The following GGACT variants were observed in gnomAD, a reference collection of about 807,000 sequenced individuals.
GGACT encodes the protein gamma-glutamylaminecyclotransferase.
For synonymous variants in GGACT, 118 were observed against 115.3 expected, an observed-to-expected ratio of 1.02 and a Z score of -0.15; for missense variants, 241 against 233.2, an observed-to-expected ratio of 1.03 and a Z score of -0.22.
rs577033224 is a variant in GGACT, at chr13:100,548,770, C to T, written c.-10-16169G>A. Among the ~76,000 whole-genome samples, 98 of 152,352 alleles carry T rather than the reference C, an allele frequency of 6.4e-4. 4 individuals are homozygous for T. The South Asian group carries it at 0.019, about 30-fold the overall frequency. On this transcript the variant is annotated intron_variant, in intron 2 of 2. Transcript: ENST00000683975. ...AGGTCAAAGCCACACTCCTGTCAAA[C>T]ATCTGGGAAGAGGCCTTCCTGGCCC... is the stretch of plus-strand genomic sequence containing the variant.
intron 2 of GGACT, among the ~76,000 whole-genome samples, chr13:100,546,361 C>CAAAAAAAAA (rs778470021): frequency 1.8e-5 from 1 of 54,608 alleles, no homozygotes; most frequent in Non-Finnish European, 3.6e-5. Flanking sequence ...GACTCTGTCT[C>CAAAAAAAAA]AAAAAAAAAA....
rs182839793 is a variant in GGACT at position 100,547,152 on chromosome 13, A to G, written c.-10-14551T>C. Reference sequence around the variant, plus strand: ...GCTCTGCCACCTCTTCCTTCCCACAAGACAACCAGGTCTCCAGACCCTCAG... The same window carrying G: ...GCTCTGCCACCTCTTCCTTCCCACAGGACAACCAGGTCTCCAGACCCTCAG... On this transcript the variant is annotated intron_variant, in intron 2 of 2. Transcript: ENST00000683975. Among the ~76,000 whole-genome samples the G allele has an allele frequency of 7.5e-3, 1,137 of 152,232 alleles. 46 individuals are homozygous for G. Among genetic ancestry groups the G allele is most frequent in the Admixed American group, 0.069 (1,053 of 15,286 alleles).
chr13:100,561,712 C>T (rs922001364), intron 2 of GGACT, among the ~76,000 whole-genome samples: 4 of 152,194 alleles, frequency 2.6e-5, no homozygotes, highest in Non-Finnish European at 5.9e-5. Context: ...GCCCGGGATG[C>T]CCTTCACACC....
At chr13:100,560,910 T>C (rs187139156) in intron 2 of GGACT, among the ~76,000 whole-genome samples, 1 of 152,324 alleles carries the variant, frequency 6.6e-6, no homozygotes, top group East Asian at 1.9e-4. Context: ...TCTTTGCAAT[T>C]GTGAACATCT....
At chr13:100,562,361 C>A (rs1165836476) in intron 2 of GGACT, among the ~76,000 whole-genome samples, 1 of 152,148 alleles carries the variant, frequency 6.6e-6, no homozygotes, top group Admixed American at 6.5e-5. Context: ...TTTCTTCAAA[C>A]CTGGCACCAG....
At position 100,588,765 on chromosome 13, in the gene GGACT, G is replaced by C. The variant is rs988667112; in HGVS notation, c.-208C>G. ...CCTGCCGGCAGCCGGGGCTGTCGGG[G>C]AGGGCAGGGCCAGGGCGGAAATGCA... On this transcript the variant is annotated 5_prime_UTR_variant, in exon 1 of 3. Coordinates refer to ENST00000683975, the MANE Select transcript of GGACT (RefSeq NM_001195087.2). 6.6e-6 allele frequency: 1 copy of C among 151,864 alleles called. No homozygotes were observed. Among genetic ancestry groups the C allele is most frequent in the Non-Finnish European group, 1.5e-5 (1 of 67,936 alleles). 9.4% of individuals were successfully genotyped at this position (151,864 alleles called of 1,614,324 possible). A position where few individuals can be genotyped will look rare whatever the true frequency, so the allele number is the denominator to read the frequency against.
intron 2 of GGACT, among the ~76,000 whole-genome samples, chr13:100,555,281 T>C (rs2088700718): frequency 1.3e-5 from 2 of 152,140 alleles, no homozygotes; most frequent in Non-Finnish European, 2.9e-5. Flanking sequence ...TCCCAGCACT[T>C]TGGGAGGCCA....
At chr13:100,554,459 T>G (rs1425166844) in intron 2 of GGACT, among the ~76,000 whole-genome samples, 1 of 152,156 alleles carries the variant, frequency 6.6e-6, no homozygotes, top group Non-Finnish European at 1.5e-5. Context: ...CATGGGTAAA[T>G]GTACAGACCT....
At position 100,530,391 on chromosome 13, in the gene GGACT, C is replaced by G; in HGVS notation, c.*1739G>C. The G allele has an allele frequency of 1.7e-6, 1 of 602,306 alleles. No individual in the cohort carries two copies. The highest frequency in any genetic ancestry group is 3.0e-6 in the Non-Finnish European group (1 of 338,060). 37.3% of individuals were successfully genotyped at this position (602,306 alleles called of 1,614,324 possible). A position where few individuals can be genotyped will look rare whatever the true frequency, so the allele number is the denominator to read the frequency against. Reference sequence around the variant, plus strand: ...TGATTTGTACTTCTGCTGTGAGATTCCCTAGTGTCAAAATTAAATCAATAA... The same window carrying G: ...TGATTTGTACTTCTGCTGTGAGATTGCCTAGTGTCAAAATTAAATCAATAA... On this transcript the variant is annotated 3_prime_UTR_variant, in exon 3 of 3. Coordinates refer to ENST00000683975, the MANE Select transcript of GGACT (RefSeq NM_001195087.2).
chr13:100,584,935 CTTCT>C (rs1269705566), intron 1 of GGACT, among the ~76,000 whole-genome samples: 1 of 152,172 alleles, frequency 6.6e-6, no homozygotes, highest in Non-Finnish European at 1.5e-5. Context: ...TAATGTTGAG[CTTCT>C]TTGATTCTTT....
rs142145898 is a variant in GGACT, at chr13:100,553,689, C to A, written c.-10-21088G>T. ...TGAAAGCTCATCTCTACTAAAAATACAAAAATTAGCTAGGCGTGGTGGTGT... is the reference window on the plus strand; with the variant it reads ...TGAAAGCTCATCTCTACTAAAAATAAAAAAATTAGCTAGGCGTGGTGGTGT... On this transcript the variant is annotated intron_variant, in intron 2 of 2. Transcript: ENST00000683975. Among the ~76,000 whole-genome samples the A allele has an allele frequency of 5.9e-4, 89 of 152,088 alleles. No individual in the cohort carries two copies. The East Asian group carries it at 0.013, about 23-fold the overall frequency.
At chr13:100,561,985 G>T (rs2088765992) in intron 2 of GGACT, among the ~76,000 whole-genome samples, 1 of 152,330 alleles carries the variant, frequency 6.6e-6, no homozygotes, top group East Asian at 1.9e-4. Flanking sequence ...GGCAGAGTCT[G>T]CATGCCCCGG....
chr13:100,588,492 G>C (rs1875649756), intron 1 of GGACT: 1 of 152,132 alleles, frequency 6.6e-6, no homozygotes, highest in South Asian at 2.1e-4. Flanking sequence ...TCTGGCAATC[G>C]CGCCCGTGGC....
intron 2 of GGACT, among the ~76,000 whole-genome samples, chr13:100,548,918 C>T (rs2088632710): frequency 6.6e-6 from 1 of 152,244 alleles, no homozygotes; most frequent in Non-Finnish European, 1.5e-5. Flanking sequence ...AGAATAAATG[C>T]ATCAGCATGA....
At chr13:100,568,217 G>C (rs895603222) in intron 2 of GGACT, among the ~76,000 whole-genome samples, 8 of 152,214 alleles carry the variant, frequency 5.3e-5, no homozygotes, top group African/African-American at 1.2e-4. Context: ...CCAACATCCT[G>C]CTGTCAGGGG....
chr13:100,550,898 T>C (rs559452359), intron 2 of GGACT, among the ~76,000 whole-genome samples: 2 of 152,344 alleles, frequency 1.3e-5, no homozygotes, highest in South Asian at 4.1e-4. Context: ...ATTTTCTGAA[T>C]TGAACAGCTC....
At chr13:100,562,369 C>G (rs1174811416) in intron 2 of GGACT, among the ~76,000 whole-genome samples, 1 of 152,164 alleles carries the variant, frequency 6.6e-6, no homozygotes, top group African/African-American at 2.4e-5. Context: ...AACCTGGCAC[C>G]AGCAAGGATC....
chr13:100,576,233 A>G (rs1268137722), intron 2 of GGACT, among the ~76,000 whole-genome samples: 2 of 152,216 alleles, frequency 1.3e-5, no homozygotes, highest in Non-Finnish European at 2.9e-5. Flanking sequence ...AATCTCAAAA[A>G]CCTAATAAAA....
chr13:100,558,843 G>A (rs1280597586), intron 2 of GGACT, among the ~76,000 whole-genome samples: 3 of 152,188 alleles, frequency 2.0e-5, no homozygotes, highest in African/African-American at 7.2e-5. Context: ...GGGGAGAGGG[G>A]ATGGAGAGAG....
Sources: allele counts gnomAD v4.1 joint callset (sites outside exome capture counted in the v4.1 genomes callset), GRCh38; gene constraint gnomAD v4.1.1; transcripts MANE v1.5; gene names NCBI Gene and HGNC (gene_info 2026-07-23, HGNC 2026-07-21).